Variants in CNTN4 observed in about 807,000 individuals in gnomAD.
CNTN4 encodes contactin-4.
A neutral mutation model predicts 122.5 loss-of-function variants in CNTN4; 77 were observed. The ratio of observed to expected loss-of-function variants is 0.63; its 90% CI spans 0.52 to 0.76. The LOEUF (loss-of-function observed/expected upper bound fraction) is 0.76. CNTN4 is among the 30% of genes least tolerant of loss of function. The pLI, the probability that CNTN4 is intolerant of heterozygous loss-of-function variation, is 0.00. For synonymous variants in CNTN4, 512 were observed against 447.0 expected, an observed-to-expected ratio of 1.15 and a Z score of -1.83; for missense variants, 1,256 against 1,259.1, an observed-to-expected ratio of 1.00 and a Z score of 0.04.
chr3:2,439,327 T>C (rs1028470748), intron 3 of CNTN4, among the ~76,000 whole-genome samples: 5 of 152,214 alleles, frequency 3.3e-5, no homozygotes, highest in African/African-American at 9.6e-5. Context: ...GACTTTCCAA[T>C]TTATTATTTT....
intron 2 of CNTN4, among the ~76,000 whole-genome samples, chr3:2,216,116 C>A (rs1208752711): frequency 6.6e-6 from 1 of 151,960 alleles, no homozygotes; most frequent in African/African-American, 2.4e-5. Flanking sequence ...TTCACAATAG[C>A]AAAGACATGG....
At chr3:3,012,290 C>T (rs904972254) in intron 14 of CNTN4, among the ~76,000 whole-genome samples, 6 of 152,162 alleles carry the variant, frequency 3.9e-5, no homozygotes, top group South Asian at 2.1e-4. Flanking sequence ...GTTGAGATCA[C>T]GTAGGGCATT....
intron 4 of CNTN4, among the ~76,000 whole-genome samples, chr3:2,630,647 A>G (rs1231824768): frequency 6.6e-6 from 1 of 152,030 alleles, no homozygotes; most frequent in Non-Finnish European, 1.5e-5. Context: ...CTCTGTAATT[A>G]TAGTAAAATT....
At chr3:2,576,705 G>A (rs555082946) in intron 4 of CNTN4, among the ~76,000 whole-genome samples, 63 of 152,098 alleles carry the variant, frequency 4.1e-4, no homozygotes, top group African/African-American at 1.3e-3. Context: ...CTACCACCAC[G>A]CCCAGCTAGT....
At chr3:2,205,419 T>G (rs1276051768) in intron 2 of CNTN4, among the ~76,000 whole-genome samples, 2 of 151,654 alleles carry the variant, frequency 1.3e-5, no homozygotes, top group Non-Finnish European at 2.9e-5. Flanking sequence ...AATTTTATAC[T>G]TCTTTGAATA....
intron 2 of CNTN4, among the ~76,000 whole-genome samples, chr3:2,336,541 C>G (rs1309681917): frequency 6.6e-6 from 1 of 152,164 alleles, no homozygotes; most frequent in Non-Finnish European, 1.5e-5. Context: ...GTATTACTCA[C>G]AGAAAACTTA....
At chr3:2,649,976 T>G (rs1010356902) in intron 4 of CNTN4, among the ~76,000 whole-genome samples, 2 of 149,142 alleles carry the variant, frequency 1.3e-5, no homozygotes, top group African/African-American at 2.5e-5. Context: ...AAAATACAAA[T>G]ATATCTATCT....
At chr3:2,747,479 TA>T (rs66741843) in intron 6 of CNTN4, among the ~76,000 whole-genome samples, 125,605 of 149,406 alleles carry the variant, frequency 0.84, 53,489 homozygotes, top group Non-Finnish European at 0.92. Flanking sequence ...AGCTTACATT[TA>T]AAAAAAAAAA....
intron 4 of CNTN4, among the ~76,000 whole-genome samples, chr3:2,627,740 G>T (rs372011181): frequency 8.6e-5 from 13 of 152,026 alleles, no homozygotes; most frequent in East Asian, 5.8e-4. Flanking sequence ...TGATCTGCCC[G>T]CCTCGGCCTC....
intron 3 of CNTN4, among the ~76,000 whole-genome samples, chr3:2,397,893 T>G (rs929313030): frequency 6.6e-6 from 1 of 152,150 alleles, no homozygotes; most frequent in Admixed American, 6.6e-5. Flanking sequence ...TTAAATAGAT[T>G]ACATTTTTTA....
At chr3:2,940,769 C>T (rs2094608191) in intron 13 of CNTN4, among the ~76,000 whole-genome samples, 1 of 151,986 alleles carries the variant, frequency 6.6e-6, no homozygotes, top group Non-Finnish European at 1.5e-5. Context: ...TATAACATAC[C>T]TTTGACCTCA....
intron 2 of CNTN4, among the ~76,000 whole-genome samples, chr3:2,279,419 T>C (rs907273570): frequency 3.9e-5 from 6 of 152,088 alleles, no homozygotes; most frequent in African/African-American, 1.4e-4. Context: ...CAACATCAGA[T>C]CATTAGGAGA....
At position 2,736,142 on chromosome 3, in the gene CNTN4, T is replaced by C. The variant is rs143914533; in HGVS notation, c.56-73T>C. The C allele has an allele frequency of 0.04, 56,474 of 1,410,828 alleles. 1,331 individuals carry two copies. Among genetic ancestry groups the C allele is most frequent in the Non-Finnish European group, 0.045 (44,703 of 997,622 alleles). The allele number at this position is 1,410,828 out of a possible 1,614,324, so 87.4% of individuals were successfully genotyped here. A position where few individuals can be genotyped will look rare whatever the true frequency, so the allele number is the denominator to read the frequency against. ...TAATTTCTTTCTATTATTTTCCTTA[T>C]GTTGTTGTTTCCTGTTGTTGTTCCT... is the stretch of plus-strand genomic sequence containing the variant. On this transcript the variant is annotated intron_variant, in intron 4 of 24. Transcript: ENST00000418658.
intron 2 of CNTN4, among the ~76,000 whole-genome samples, chr3:2,259,676 C>T (rs1234284573): frequency 2.0e-5 from 3 of 152,128 alleles, no homozygotes; most frequent in African/African-American, 7.2e-5. Flanking sequence ...TATTCACAAC[C>T]ACGAGAACAG....
At chr3:2,320,642 G>A (rs551997844) in intron 2 of CNTN4, among the ~76,000 whole-genome samples, 2 of 152,218 alleles carry the variant, frequency 1.3e-5, no homozygotes, top group African/African-American at 4.8e-5. Context: ...TTTTCATGAT[G>A]ACTGCTGTTC....
At chr3:2,904,381 C>T (rs1454969212) in intron 12 of CNTN4, among the ~76,000 whole-genome samples, 4 of 151,896 alleles carry the variant, frequency 2.6e-5, no homozygotes, top group Non-Finnish European at 5.9e-5. Flanking sequence ...CCATTCTGTG[C>T]AATGTAAAAA....
chr3:2,428,895 A>G lies in CNTN4; in HGVS notation c.-89+89662A>G, dbSNP rs77919026. The stretch of plus-strand genomic sequence containing the variant: ...ACTGAAGCTTATGCATGCATCAGGT[A>G]GTACTCGTGCCATGGTTTTCAGCTC... On this transcript the variant is annotated intron_variant, in intron 3 of 24. Transcript: ENST00000418658. Among the ~76,000 whole-genome samples the G allele has an allele frequency of 7.7e-3, 1,172 of 152,286 alleles. 11 individuals carry two copies. The highest frequency in any genetic ancestry group is 0.027 in the African/African-American group (1,103 of 41,556).
At chr3:2,193,096 G>T (rs1016943204) in intron 2 of CNTN4, among the ~76,000 whole-genome samples, 1 of 152,178 alleles carries the variant, frequency 6.6e-6, no homozygotes, top group Non-Finnish European at 1.5e-5. Context: ...GGAGTTGACA[G>T]CTCCTTTCTT....
intron 2 of CNTN4, among the ~76,000 whole-genome samples, chr3:2,246,611 A>G (rs2040162209): frequency 6.6e-6 from 1 of 152,058 alleles, no homozygotes; most frequent in Admixed American, 6.6e-5. Context: ...ATTGGCAGCA[A>G]TGCAATGTGT....
Sources: allele counts gnomAD v4.1 joint callset (sites outside exome capture counted in the v4.1 genomes callset), GRCh38; gene constraint gnomAD v4.1.1; transcripts MANE v1.5; gene names NCBI Gene and HGNC (gene_info 2026-07-23, HGNC 2026-07-21).